SGCZ: variants seen among roughly 807,000 people sequenced by gnomAD.
SGCZ encodes the protein sarcoglycan zeta.
In SGCZ, 40 loss-of-function variants were observed where a neutral mutation model predicts 41.3. That is an observed-to-expected ratio of 0.97 (90% confidence interval 0.75 to 1.26). The LOEUF is 1.26. SGCZ is among the 50% of genes most tolerant of loss of function. The pLI, the probability that SGCZ is intolerant of heterozygous loss-of-function variation, is 0.00. For missense variants in SGCZ, 552 were observed against 369.8 expected (o/e 1.49, Z -4.04); for synonymous variants, 206 against 137.5 (o/e 1.50, Z -3.49).
At chr8:14,732,457 G>A (rs1798892915) in intron 1 of SGCZ, among the ~76,000 whole-genome samples, 1 of 152,130 alleles carries the variant, frequency 6.6e-6, no homozygotes, top group African/African-American at 2.4e-5. Context: ...AGAGAGTGGT[G>A]GGGAAAATTA....
chr8:15,189,826 C>G (rs1403847336), intron 1 of SGCZ, among the ~76,000 whole-genome samples: 1 of 152,164 alleles, frequency 6.6e-6, no homozygotes, highest in African/African-American at 2.4e-5. Flanking sequence ...TCTGGGATTA[C>G]AGGCATGAGC....
At chr8:14,262,644 T>G (rs1276607566) in intron 3 of SGCZ, among the ~76,000 whole-genome samples, 8 of 151,914 alleles carry the variant, frequency 5.3e-5, no homozygotes, top group East Asian at 1.9e-4. Flanking sequence ...TTTCTTATAT[T>G]TAGACTTTTC....
rs967366775 is a variant in SGCZ, at chr8:14,878,108, T to A, written c.40-323182A>T. On this transcript the variant is annotated intron_variant, in intron 1 of 7. Transcript: ENST00000382080. ...TTGCAGTTCCCTCTTTATTTGAGGGTAGATGAGAAAGAACTTTAAGCACTT... is the reference window on the plus strand; with the variant it reads ...TTGCAGTTCCCTCTTTATTTGAGGGAAGATGAGAAAGAACTTTAAGCACTT... Among the ~76,000 whole-genome samples the A allele has an allele frequency of 8.5e-5, 13 of 152,110 alleles. No individual in the cohort carries two copies. The East Asian group carries it at 1.9e-3, about 23-fold the overall frequency.
intron 1 of SGCZ, among the ~76,000 whole-genome samples, chr8:14,703,786 A>G (rs1809244471): frequency 6.6e-6 from 1 of 151,960 alleles, no homozygotes; most frequent in Non-Finnish European, 1.5e-5. Flanking sequence ...ATGTCAAGCA[A>G]TTTGGGCTTT....
intron 2 of SGCZ, among the ~76,000 whole-genome samples, chr8:14,412,503 G>T (rs111653013): frequency 0.022 from 3,323 of 152,210 alleles, 96 homozygotes; most frequent in African/African-American, 0.06. Flanking sequence ...CATAAATGCT[G>T]CCAGGCCTTG....
intron 1 of SGCZ, among the ~76,000 whole-genome samples, chr8:14,663,514 CTCTGTGCATGCCTCCTA>C (rs1196971274): frequency 6.6e-6 from 1 of 152,092 alleles, no homozygotes; most frequent in Non-Finnish European, 1.5e-5. Context: ...TGTCTAACCT[CTCTGTGCATGCCTCCTA>C]TCTGTAAATG....
intron 1 of SGCZ, among the ~76,000 whole-genome samples, chr8:14,934,550 C>G (rs188195514): frequency 5.3e-5 from 8 of 151,704 alleles, no homozygotes; most frequent in African/African-American, 1.9e-4. Context: ...AATACGAAGA[C>G]TACATTTCAG....
At chr8:14,571,439 T>G (rs199815060) in intron 1 of SGCZ, among the ~76,000 whole-genome samples, 5 of 152,208 alleles carry the variant, frequency 3.3e-5, no homozygotes, top group Admixed American at 3.3e-4. Flanking sequence ...GGCAATTAGC[T>G]GAGTATACAG....
At chr8:14,121,978 A>C (rs1308328396) in intron 5 of SGCZ, among the ~76,000 whole-genome samples, 2 of 152,140 alleles carry the variant, frequency 1.3e-5, no homozygotes, top group Non-Finnish European at 2.9e-5. Context: ...GTCTGAGGTC[A>C]GTTAGAAGAC....
At chr8:15,226,734 T>C (rs1178235109) in intron 1 of SGCZ, among the ~76,000 whole-genome samples, 1 of 152,192 alleles carries the variant, frequency 6.6e-6, no homozygotes, top group Admixed American at 6.5e-5. Flanking sequence ...GAATTCACTA[T>C]AATATGGCCA....
rs1799112223 is a variant in SGCZ, at chr8:14,738,493, T to C, written c.40-183567A>G. 1.3e-5 allele frequency among the ~76,000 whole-genome samples: 2 copies of C among 152,090 alleles called. 1 individual carries two copies. The highest frequency in any genetic ancestry group is 4.1e-4 in the South Asian group (2 of 4,832). Reference sequence around the variant, plus strand: ...TTCCCCCAGTGAAACTTGGACTAATTAACTAATAACCCTTTCTCAGTTAGT... The same window carrying C: ...TTCCCCCAGTGAAACTTGGACTAATCAACTAATAACCCTTTCTCAGTTAGT... On this transcript the variant is annotated intron_variant, in intron 1 of 7. Coordinates refer to ENST00000382080, the MANE Select transcript of SGCZ (RefSeq NM_139167.4).
At chr8:14,595,926 G>C (rs935183582) in intron 1 of SGCZ, among the ~76,000 whole-genome samples, 3 of 152,112 alleles carry the variant, frequency 2.0e-5, no homozygotes, top group Non-Finnish European at 4.4e-5. Context: ...TGTCCAATGT[G>C]TTGGAAAAAT....
At chr8:14,541,976 C>T (rs3988434) in intron 2 of SGCZ, among the ~76,000 whole-genome samples, 135,861 of 152,132 alleles carry the variant, frequency 0.89, 60,913 homozygotes, top group Middle Eastern at 0.95. Context: ...TTTGATGAGG[C>T]TTTTTGTTTT....
intron 3 of SGCZ, among the ~76,000 whole-genome samples, chr8:14,301,549 G>C (rs1206015168): frequency 6.6e-6 from 1 of 152,068 alleles, no homozygotes; most frequent in East Asian, 1.9e-4. Context: ...CTTACAAATT[G>C]ACTTACATGA....
intron 1 of SGCZ, among the ~76,000 whole-genome samples, chr8:14,826,223 G>A (rs1040975061): frequency 1.3e-5 from 2 of 151,718 alleles, no homozygotes; most frequent in Non-Finnish European, 2.9e-5. Context: ...TGAGAATGAT[G>A]GTTTCCAGCT....
intron 1 of SGCZ, among the ~76,000 whole-genome samples, chr8:14,711,615 A>T (rs1301420024): frequency 6.6e-6 from 1 of 150,884 alleles, no homozygotes; most frequent in Admixed American, 6.6e-5. Context: ...AAAAAAAAAA[A>T]AAAAAGCCTA....
At chr8:14,475,642 C>A (rs546284055) in intron 2 of SGCZ, among the ~76,000 whole-genome samples, 1 of 151,946 alleles carries the variant, frequency 6.6e-6, no homozygotes, top group Non-Finnish European at 1.5e-5. Flanking sequence ...GAGATAAAAC[C>A]AAATTTCTAT....
intron 4 of SGCZ, among the ~76,000 whole-genome samples, chr8:14,190,323 C>CT (rs923095983): frequency 1.3e-5 from 2 of 151,470 alleles, no homozygotes; most frequent in African/African-American, 4.9e-5. Flanking sequence ...GCGGAATCTA[C>CT]TTTTTTAAGG....
intron 4 of SGCZ, among the ~76,000 whole-genome samples, chr8:14,169,038 G>C (rs1218170261): frequency 6.6e-6 from 1 of 152,132 alleles, no homozygotes; most frequent in African/African-American, 2.4e-5. Context: ...ATGCACTCTA[G>C]AGTTAGGATT....
Sources: gnomAD v4.1 joint callset for allele counts (sites outside exome capture counted in the v4.1 genomes callset) on GRCh38, gnomAD v4.1.1 for gene constraint, MANE v1.5 for transcripts, NCBI Gene and HGNC (gene_info 2026-07-23, HGNC 2026-07-21) for gene names.